Variants in COPS2 observed in about 807,000 individuals in gnomAD.
The protein encoded by COPS2 is COP9 signalosome subunit 2.
COPS2 carries 10 observed loss-of-function variants against 66.1 expected under a neutral mutation model. The observed-to-expected ratio is 0.15, with a 90% CI of 0.09 to 0.26. The LOEUF is 0.26. Among genes scored for constraint, COPS2 ranks in the 10% least tolerant of loss-of-function variants. The probability of loss-of-function intolerance (pLI) is 1.00; values close to 1 mark genes in which losing one functional copy is unlikely to be tolerated. For synonymous variants in COPS2, 179 were observed against 171.3 expected, an observed-to-expected ratio of 1.04 and a Z score of -0.35; for missense variants, 215 against 513.3, an observed-to-expected ratio of 0.42 and a Z score of 5.62.
At chr15:49,134,301 TC>T (rs768998062) in intron 7 of COPS2, 38 bp downstream of exon 7, 1 of 1,585,770 alleles carries the variant, frequency 6.3e-7, no homozygotes, top group Non-Finnish European at 8.6e-7. Flanking sequence ...CTTTGATATC[TC>T]CCCATGCCAC....
intron 1 of COPS2, among the ~76,000 whole-genome samples, chr15:49,146,315 G>A (rs960131029): frequency 6.6e-6 from 1 of 151,804 alleles, no homozygotes; most frequent in Non-Finnish European, 1.5e-5. Flanking sequence ...CTTCTTTTAG[G>A]GACAAGATGA....
At chr15:49,133,351 A>C (rs2084228436) in intron 9 of COPS2, among the ~76,000 whole-genome samples, 1 of 152,192 alleles carries the variant, frequency 6.6e-6, no homozygotes, top group South Asian at 2.1e-4. Flanking sequence ...ATGAGTAAAA[A>C]AATATGCTTA....
intron 10 of COPS2, among the ~76,000 whole-genome samples, chr15:49,130,232 A>G (rs2084198162): frequency 6.6e-6 from 1 of 152,170 alleles, no homozygotes; most frequent in Non-Finnish European, 1.5e-5. Flanking sequence ...CCAAGAGCAA[A>G]GAGATGATTG....
At chr15:49,141,005 A>C (rs1433845112) in intron 3 of COPS2, among the ~76,000 whole-genome samples, 1 of 151,868 alleles carries the variant, frequency 6.6e-6, no homozygotes, top group African/African-American at 2.4e-5. Context: ...AAAAAAAAGG[A>C]TAGAACTATG....
At chr15:49,145,494 C>T (rs1240213357) in intron 1 of COPS2, among the ~76,000 whole-genome samples, 1 of 151,968 alleles carries the variant, frequency 6.6e-6, no homozygotes, top group Non-Finnish European at 1.5e-5. Context: ...TTTTCTATTC[C>T]CCAAGTCTAA....
rs2084152606 is a variant in COPS2 at position 49,124,840 on chromosome 15, T to C, written c.*3110A>G. The C allele has an allele frequency of 6.6e-6, 1 of 152,148 alleles. No homozygotes were observed. Among genetic ancestry groups the C allele is most frequent in the Non-Finnish European group, 1.5e-5 (1 of 68,022 alleles). The allele number at this position is 152,148 out of a possible 1,614,324, so 9.4% of individuals were successfully genotyped here. On this transcript the variant is annotated 3_prime_UTR_variant, in exon 13 of 13. Transcript: ENST00000388901. Reference sequence around the variant, plus strand: ...TTTTAAAAAATCCTTAGTAAATTAATGATTACAGATCTCTGAGCTTCTTAA... The same window carrying C: ...TTTTAAAAAATCCTTAGTAAATTAACGATTACAGATCTCTGAGCTTCTTAA...
intron 3 of COPS2, among the ~76,000 whole-genome samples, 174 bp from the exon 4 acceptor site, chr15:49,139,827 T>G (rs752294689): frequency 2.0e-5 from 3 of 152,206 alleles, no homozygotes; most frequent in Non-Finnish European, 4.4e-5. Context: ...TACCTTAAAT[T>G]TGAAATGACT....
Position 49,133,958 on chromosome 15 carries a change from G to A in COPS2, c.866C>T (p.Ser289Leu). The A allele has an allele frequency of 6.2e-7, 1 of 1,612,656 alleles. No homozygotes were observed. The highest frequency in any genetic ancestry group is 8.5e-7 in the Non-Finnish European group (1 of 1,179,380). Reference sequence around the variant, plus strand: ...CTGTGAGTCAAATGGATTTATTCCCGATTTCATAAGCATATTTGCTAAGAC... The same window carrying A: ...CTGTGAGTCAAATGGATTTATTCCCAATTTCATAAGCATATTTGCTAAGAC... The part of the protein sequence containing the change: ...YLVLANMLMK[S>L]GINPFDSQEA... Residue 289 changes from serine to leucine, a missense_variant, in exon 8 of 13, where the codon TCG becomes TTG. Physicochemically the swap from Ser to Leu is moderately radical, Grantham distance 145 (BLOSUM62 -2). Around this residue, in one of 5 missense-constraint regions of COPS2, gnomAD observed 56 missense variants for 173.6 expected, o/e 0.32. Transcript: ENST00000388901.
At position 49,124,340 on chromosome 15, in the gene COPS2, C is replaced by T. The variant is rs1338337779; in HGVS notation, c.*3610G>A. 2.0e-5 allele frequency: 3 copies of T among 152,020 alleles called. No homozygotes were observed. The East Asian group carries it at 5.8e-4, about 29-fold the overall frequency. The allele number at this position is 152,020 out of a possible 1,614,324, so 9.4% of individuals were successfully genotyped here. The stretch of plus-strand genomic sequence containing the variant: ...TGAACTGAGATTGCGCCACTGCACT[C>T]CAGCCTGGGTGACAAGAGCGAAACT... On this transcript the variant is annotated 3_prime_UTR_variant, in exon 13 of 13. Transcript: ENST00000388901.
chr15:49,152,783 A>C (rs1436830088), intron 1 of COPS2, among the ~76,000 whole-genome samples: 1 of 152,174 alleles, frequency 6.6e-6, no homozygotes, highest in African/African-American at 2.4e-5. Context: ...AGATTGTGCC[A>C]CTGCACTCCA....
chr15:49,122,868 C>G lies in COPS2; in HGVS notation c.*5082G>C, dbSNP rs1359333984. Reference sequence around the variant, plus strand: ...CTCAATTATTAATTGGTGGAACTGACCATTTCAGGCAGACATCCTGTTACA... The same window carrying G: ...CTCAATTATTAATTGGTGGAACTGAGCATTTCAGGCAGACATCCTGTTACA... On this transcript the variant is annotated 3_prime_UTR_variant, in exon 13 of 13. Coordinates refer to ENST00000388901, the MANE Select transcript of COPS2 (RefSeq NM_004236.4). 6.6e-6 allele frequency: 1 copy of G among 152,170 alleles called. No individual in the cohort carries two copies. Among genetic ancestry groups the G allele is most frequent in the Non-Finnish European group, 1.5e-5 (1 of 68,008 alleles). The allele number at this position is 152,170 out of a possible 1,614,324, so 9.4% of individuals were successfully genotyped here. A position where few individuals can be genotyped will look rare whatever the true frequency, so the allele number is the denominator to read the frequency against.
intron 3 of COPS2, among the ~76,000 whole-genome samples, chr15:49,142,168 T>C (rs1026051946): frequency 1.1e-4 from 17 of 152,200 alleles, no homozygotes; most frequent in Admixed American, 6.5e-4. Flanking sequence ...TAGAAATGTT[T>C]TGAGAGTATC....
chr15:49,142,065 C>A (rs903220634), intron 3 of COPS2, among the ~76,000 whole-genome samples: 1 of 152,106 alleles, frequency 6.6e-6, no homozygotes, highest in Non-Finnish European at 1.5e-5. Flanking sequence ...TCTTCCACAG[C>A]CTTCTAAGTT....
intron 9 of COPS2, among the ~76,000 whole-genome samples, chr15:49,132,609 CCTAA>C (rs1250490460): frequency 1.3e-5 from 2 of 149,260 alleles, no homozygotes; most frequent in Non-Finnish European, 3.0e-5. Flanking sequence ...GCTTCATGTC[CCTAA>C]CTACATTTTT....
At chr15:49,136,134 C>T (rs1401092384) in intron 6 of COPS2, among the ~76,000 whole-genome samples, 6 of 151,954 alleles carry the variant, frequency 3.9e-5, no homozygotes, top group African/African-American at 1.5e-4. Flanking sequence ...AATCGTTTCT[C>T]CCATTCACAG....
Position 49,155,548 on chromosome 15 carries a change from C to T in COPS2, c.31G>A (p.Asp11Asn). MSDMEDDFMC[D>N]DEEDYDLEYS... is the part of the protein sequence containing the mutation. ...ACCAGGTCGTAGTCCTCCTCATCATCGCACATGAAATCATCCTCCATGTCA... is the reference window on the plus strand; with the variant it reads ...ACCAGGTCGTAGTCCTCCTCATCATTGCACATGAAATCATCCTCCATGTCA... Residue 11 changes from aspartate to asparagine, a missense_variant, in exon 1 of 13, where the codon GAT (aspartate) becomes AAT (asparagine). Asp to Asn is a conservative substitution (Grantham distance 23). This residue lies in a region of COPS2 where 27 missense variants were observed against 21.5 expected (regional missense o/e 1.25). Transcript: ENST00000388901. The T allele has an allele frequency of 1.2e-6, 2 of 1,614,240 alleles. No individual in the cohort carries two copies. Among genetic ancestry groups the T allele is most frequent in the Non-Finnish European group, 1.7e-6 (2 of 1,180,042 alleles).
At chr15:49,138,639 C>A (rs1052659805) in intron 4 of COPS2, among the ~76,000 whole-genome samples, 3 of 151,946 alleles carry the variant, frequency 2.0e-5, no homozygotes, top group African/African-American at 7.3e-5. Context: ...AATATTCTAA[C>A]AAAACATGTA....
Position 49,135,994 on chromosome 15 carries a change from C to T in COPS2, c.540+1156G>A, listed in dbSNP as rs118177086. Reference sequence around the variant, plus strand: ...TTCCATTTCATAGGGAACTGAACCTCCAGTTGGTTATGCATCAGACTAAAG... The same window carrying T: ...TTCCATTTCATAGGGAACTGAACCTTCAGTTGGTTATGCATCAGACTAAAG... On this transcript the variant is annotated intron_variant, in intron 6 of 12. Transcript: ENST00000388901. Among the ~76,000 whole-genome samples the T allele has an allele frequency of 8.3e-3, 1,271 of 152,232 alleles. 6 individuals are homozygous for T. The highest frequency in any genetic ancestry group is 0.014 in the Non-Finnish European group (956 of 68,008).
rs761064891 is a variant in COPS2 at position 49,123,086 on chromosome 15, AGT to A, written c.*4862_*4863del. 15 of 152,194 alleles carry A rather than the reference AGT, an allele frequency of 9.9e-5. No homozygotes were observed. The highest frequency in any genetic ancestry group is 1.8e-4 in the Non-Finnish European group (12 of 68,016). The allele number at this position is 152,194 out of a possible 1,614,324, so 9.4% of individuals were successfully genotyped here. ...CTTGAAATATATTTTAATTTTCTTCAGTGTTATTTAAAATAGATGCATAAAAA... is the reference window on the plus strand; with the variant it reads ...CTTGAAATATATTTTAATTTTCTTCAGTTATTTAAAATAGATGCATAAAAA... On this transcript the variant is annotated 3_prime_UTR_variant, in exon 13 of 13. Transcript: ENST00000388901.
Sources: allele counts gnomAD v4.1 joint callset (sites outside exome capture counted in the v4.1 genomes callset), GRCh38; gene constraint gnomAD v4.1.1; regional missense constraint gnomAD v4.1.1; transcripts MANE v1.5; gene names NCBI Gene and HGNC (gene_info 2026-07-23, HGNC 2026-07-21).